Variants in GPHN observed in about 807,000 individuals in gnomAD.
GPHN encodes the protein gephyrin.
In GPHN, 17 loss-of-function variants were observed where a neutral mutation model predicts 95.5. The observed-to-expected ratio is 0.18, with a 90% CI of 0.12 to 0.27. GPHN has a LOEUF of 0.27. Ranked by LOEUF, GPHN falls within the 10% of genes least tolerant of loss-of-function variation. GPHN has a pLI of 1.00. For synonymous variants in GPHN, 320 were observed against 322.5 expected (o/e 0.99, Z 0.08); for missense variants, 660 against 978.1 (o/e 0.67, Z 4.34).
At chr14:66,638,925 C>A (rs2064246955) in intron 1 of GPHN, among the ~76,000 whole-genome samples, 1 of 152,040 alleles carries the variant, frequency 6.6e-6, no homozygotes, top group Non-Finnish European at 1.5e-5. Flanking sequence ...TAATGCATTT[C>A]TCAAAACAAA....
chr14:67,507,200 CA>C, the GPHN span, among the ~76,000 whole-genome samples: 1 of 151,904 alleles, frequency 6.6e-6, no homozygotes, highest in African/African-American at 2.4e-5. Flanking sequence ...CTAAATTAGC[CA>C]GGTGCTAATA....
chr14:67,489,238 G>C, the GPHN span, among the ~76,000 whole-genome samples: 1 of 152,160 alleles, frequency 6.6e-6, no homozygotes, highest in East Asian at 1.9e-4. Flanking sequence ...GACATTAAGA[G>C]ATTTGGCCAA....
chr14:66,814,986 A>G (rs2060907760), intron 3 of GPHN, among the ~76,000 whole-genome samples: 1 of 152,342 alleles, frequency 6.6e-6, no homozygotes, highest in South Asian at 2.1e-4. Flanking sequence ...GATAGAGCTG[A>G]AAAACACACT....
intron 16 of GPHN, among the ~76,000 whole-genome samples, chr14:67,115,545 C>A (rs1238462146): frequency 6.6e-6 from 1 of 152,028 alleles, no homozygotes. Context: ...CCAGACTGAC[C>A]AACATGGTGA....
chr14:67,366,171 C>CTCCTG, the GPHN span, among the ~76,000 whole-genome samples: 12 of 151,602 alleles, frequency 7.9e-5, no homozygotes, highest in East Asian at 2.3e-3. Context: ...CAGCCTTGAA[C>CTCCTG]TCCTGTGTTC....
At chr14:66,834,635 T>C (rs1238748680) in intron 4 of GPHN, among the ~76,000 whole-genome samples, 3 of 151,616 alleles carry the variant, frequency 2.0e-5, no homozygotes, top group African/African-American at 7.3e-5. Context: ...AGCTTTTTGA[T>C]GTGCTGCTGG....
At chr14:67,221,512 T>C in the GPHN span, among the ~76,000 whole-genome samples, 2 of 152,226 alleles carry the variant, frequency 1.3e-5, no homozygotes, top group Non-Finnish European at 2.9e-5. Flanking sequence ...TGACTGGCAA[T>C]AGATATAATA....
chr14:67,359,607 G>A, the GPHN span: 1 of 1,606,364 alleles, frequency 6.2e-7, no homozygotes. Context: ...AAGGGACCGC[G>A]CTCCGGGTTC....
intron 1 of GPHN, among the ~76,000 whole-genome samples, chr14:66,651,896 A>G (rs1359974391): frequency 1.3e-5 from 2 of 152,022 alleles, no homozygotes; most frequent in Admixed American, 6.6e-5. Context: ...ATTCAACATT[A>G]TGGTGAGTTG....
At chr14:67,699,703 A>C in the GPHN span, among the ~76,000 whole-genome samples, 3 of 151,936 alleles carry the variant, frequency 2.0e-5, no homozygotes, top group Non-Finnish European at 4.4e-5. Context: ...AAAACACAGT[A>C]AGTCACAGGA....
chr14:67,573,490 G>A, the GPHN span: 1 of 807,956 alleles, frequency 1.2e-6, no homozygotes, highest in Non-Finnish European at 2.0e-6. This position sits in a 1 kb window ranked among gnomAD's most constrained non-coding sequence, Gnocchi z 4.8. Flanking sequence ...AAGGCCAGAG[G>A]GCAAAGGTCT....
intron 1 of GPHN, among the ~76,000 whole-genome samples, chr14:66,665,852 A>G (rs953022427): frequency 6.6e-6 from 1 of 152,198 alleles, no homozygotes; most frequent in Admixed American, 6.5e-5. Context: ...GAACCTCCCC[A>G]AATGTCCATC....
chr14:67,230,092 AT>A, the GPHN span, among the ~76,000 whole-genome samples: 2 of 152,234 alleles, frequency 1.3e-5, no homozygotes, highest in Non-Finnish European at 2.9e-5. Context: ...TGTTTTCTTC[AT>A]ACAGATTATC....
At chr14:67,349,082 T>C in the GPHN span, 5 of 1,614,136 alleles carry the variant, frequency 3.1e-6, no homozygotes, top group Non-Finnish European at 4.2e-6. Flanking sequence ...TGCGCTTTAT[T>C]GACATTTTGG....
chr14:66,716,477 T>C (rs2070194984), intron 2 of GPHN, among the ~76,000 whole-genome samples: 2 of 152,182 alleles, frequency 1.3e-5, no homozygotes, highest in Non-Finnish European at 2.9e-5. Context: ...AGATGGAGCA[T>C]TTAAGCTATT....
the GPHN span, chr14:67,202,949 A>G: frequency 1.1e-6 from 1 of 878,218 alleles, no homozygotes. Flanking sequence ...TATCTCCAAG[A>G]ATTAGCATGA....
chr14:66,916,886 G>A (rs934972888), intron 6 of GPHN, among the ~76,000 whole-genome samples: 4 of 152,054 alleles, frequency 2.6e-5, no homozygotes, highest in South Asian at 4.1e-4. Flanking sequence ...TGTTTGTCTG[G>A]GCATCTATAT....
chr14:66,809,560 G>A lies in GPHN; in HGVS notation c.202-14914G>A, dbSNP rs73273233. On this transcript the variant is annotated intron_variant, in intron 3 of 22. Transcript: ENST00000478722. ...TTAAGAGTCCCAGTCCCTGAGTTAA[G>A]GAATTCAAAAGAAGCAGCATATTTT... Among the ~76,000 whole-genome samples the A allele has an allele frequency of 5.6e-3, 846 of 152,206 alleles. 6 individuals are homozygous for A. The highest frequency in any genetic ancestry group is 0.02 in the African/African-American group (819 of 41,536).
the GPHN span, chr14:67,586,383 G>C: frequency 7.3e-7 from 1 of 1,372,712 alleles, no homozygotes; most frequent in East Asian, 3.9e-5. Flanking sequence ...GCATCATGCA[G>C]TCCTCAGTTG....
Sources: gnomAD v4.1 joint callset for allele counts (sites outside exome capture counted in the v4.1 genomes callset) on GRCh38, gnomAD v4.1.1 for gene constraint, Gnocchi (gnomAD v3.1) non-coding constraint, MANE v1.5 for transcripts, NCBI Gene and HGNC (gene_info 2026-07-23, HGNC 2026-07-21) for gene names.